RARB: variants seen among roughly 807,000 people sequenced by gnomAD.
RARB encodes the protein HBV-activated protein.
RARB carries 17 observed loss-of-function variants against 51.9 expected under a neutral mutation model. That is an observed-to-expected ratio of 0.33 (90% CI 0.22 to 0.49). RARB has a LOEUF of 0.49. Ranked by LOEUF, RARB falls within the 20% of genes least tolerant of loss-of-function variation. The probability of loss-of-function intolerance (pLI) is 0.99; values close to 1 mark genes in which losing one functional copy is unlikely to be tolerated. For missense variants in RARB, 369 were observed against 550.8 expected, an observed-to-expected ratio of 0.67 and a Z score of 3.30; for synonymous variants, 215 against 195.4, an observed-to-expected ratio of 1.10 and a Z score of -0.84.
chr3:25,448,084 C>T (rs1376856017), intron 1 of RARB, among the ~76,000 whole-genome samples: 1 of 151,824 alleles, frequency 6.6e-6, no homozygotes, highest in East Asian at 1.9e-4. Context: ...AATTGAGGCT[C>T]AGAGAGGTTA....
At chr3:25,502,366 G>T (rs1275560937) in intron 3 of RARB, among the ~76,000 whole-genome samples, 1 of 152,134 alleles carries the variant, frequency 6.6e-6, no homozygotes, top group Admixed American at 6.5e-5. Flanking sequence ...GATTGAAGAG[G>T]TAAAGCCCCT....
At chr3:25,403,886 T>TAAAAA (rs546197894) in intron 5 of RARB, among the ~76,000 whole-genome samples, 11,028 of 87,924 alleles carry the variant, frequency 0.13, 873 homozygotes, top group Admixed American at 0.23. Flanking sequence ...TTTCTTTTTC[T>TAAAAA]AAAAAAAAAA....
chr3:25,003,483 TAC>T (rs1252812826), intron 2 of RARB, among the ~76,000 whole-genome samples: 5 of 152,172 alleles, frequency 3.3e-5, no homozygotes, highest in Admixed American at 1.3e-4. Flanking sequence ...AGTACTGATT[TAC>T]AGTTTTGTCA....
At chr3:25,256,805 GA>G (rs77197118) in intron 5 of RARB, among the ~76,000 whole-genome samples, 7,866 of 148,972 alleles carry the variant, frequency 0.053, 384 homozygotes, top group East Asian at 0.17. Context: ...TTAAAGTATG[GA>G]AAAAAAAAAT....
intron 5 of RARB, among the ~76,000 whole-genome samples, chr3:25,209,748 T>C (rs1202750233): frequency 2.6e-5 from 4 of 152,152 alleles, no homozygotes; most frequent in African/African-American, 9.7e-5. Flanking sequence ...AAAGACCAAG[T>C]TCTCAGACTT....
At chr3:24,916,500 A>C (rs933264302) in intron 2 of RARB, among the ~76,000 whole-genome samples, 1 of 151,802 alleles carries the variant, frequency 6.6e-6, no homozygotes, top group Non-Finnish European at 1.5e-5. Context: ...GTTATTACCT[A>C]CTCCCTCTAG....
chr3:24,983,588 G>T (rs775100759), intron 2 of RARB, among the ~76,000 whole-genome samples: 3 of 151,838 alleles, frequency 2.0e-5, no homozygotes, highest in Non-Finnish European at 4.4e-5. Flanking sequence ...CTGTGTCCAT[G>T]GGTTCTCGTT....
At chr3:24,985,990 T>C (rs1419775789) in intron 2 of RARB, among the ~76,000 whole-genome samples, 1 of 152,242 alleles carries the variant, frequency 6.6e-6, no homozygotes, top group Non-Finnish European at 1.5e-5. Flanking sequence ...CCATAAAATA[T>C]TTATGGGATT....
chr3:25,409,176 TTGTTCCTTAATACCAGAGAAAAATG>T (rs1707493344), intron 5 of RARB, among the ~76,000 whole-genome samples: 1 of 152,214 alleles, frequency 6.6e-6, no homozygotes, highest in Non-Finnish European at 1.5e-5. Context: ...TCACCACTCC[TTGTTCCTTAATACCAGAGAAAAATG>T]TGTAGTTCAT....
chr3:24,926,589 T>G (rs1695326882), intron 2 of RARB, among the ~76,000 whole-genome samples: 1 of 152,048 alleles, frequency 6.6e-6, no homozygotes, highest in African/African-American at 2.4e-5. Flanking sequence ...CTAGTGATGC[T>G]TCGAGGTGTT....
At chr3:25,171,616 G>C (rs1466364089) in intron 4 of RARB, among the ~76,000 whole-genome samples, 4 of 100,760 alleles carry the variant, frequency 4.0e-5, no homozygotes, top group African/African-American at 1.5e-4. Context: ...TGGAATAATG[G>C]TTTTTTCCCA....
At chr3:25,109,732 G>A (rs1035369542) in intron 3 of RARB, among the ~76,000 whole-genome samples, 5 of 152,108 alleles carry the variant, frequency 3.3e-5, no homozygotes, top group African/African-American at 4.8e-5. Flanking sequence ...TTCCCTTTCC[G>A]TGAGCGTTAC....
intron 2 of RARB, among the ~76,000 whole-genome samples, chr3:25,015,014 T>C (rs1229693287): frequency 6.6e-6 from 1 of 152,174 alleles, no homozygotes; most frequent in East Asian, 1.9e-4. Flanking sequence ...AACAGCGTTG[T>C]TTATCTACAA....
chr3:25,495,737 C>T (rs1575459329), intron 2 of RARB, among the ~76,000 whole-genome samples: 1 of 152,174 alleles, frequency 6.6e-6, no homozygotes, highest in African/African-American at 2.4e-5. Flanking sequence ...TTTCTGATCT[C>T]AGTAATTGGT....
intron 5 of RARB, among the ~76,000 whole-genome samples, chr3:25,414,541 T>C (rs987162605): frequency 3.3e-5 from 5 of 152,190 alleles, no homozygotes; most frequent in Admixed American, 2.0e-4. Flanking sequence ...ATGAGAGTTA[T>C]AGTTTCTCCA....
chr3:24,967,095 G>C (rs1696291848), intron 2 of RARB, among the ~76,000 whole-genome samples: 1 of 152,106 alleles, frequency 6.6e-6, no homozygotes, highest in African/African-American at 2.4e-5. Context: ...CAATTTCACA[G>C]AGAAATTTCC....
intron 2 of RARB, among the ~76,000 whole-genome samples, chr3:24,946,089 C>G (rs944811355): frequency 6.6e-6 from 1 of 151,826 alleles, no homozygotes; most frequent in African/African-American, 2.4e-5. Context: ...CACGGTGAAA[C>G]CCTGTCTCTA....
intron 2 of RARB, among the ~76,000 whole-genome samples, chr3:24,974,482 G>C (rs938677581): frequency 6.6e-6 from 1 of 151,844 alleles, no homozygotes; most frequent in Non-Finnish European, 1.5e-5. Flanking sequence ...TCTTGGTTCC[G>C]ATGTCATGGA....
At chr3:24,867,491 G>C (rs941586576) in intron 2 of RARB, among the ~76,000 whole-genome samples, 1 of 152,116 alleles carries the variant, frequency 6.6e-6, no homozygotes, top group Admixed American at 6.5e-5. Flanking sequence ...TTGGCACCAA[G>C]CAGACTCGAT....
Sources: gnomAD v4.1 joint callset for allele counts (sites outside exome capture counted in the v4.1 genomes callset) on GRCh38, gnomAD v4.1.1 for gene constraint, MANE v1.5 for transcripts, NCBI Gene and HGNC (gene_info 2026-07-23, HGNC 2026-07-21) for gene names.